Variants in APOL3 observed in about 807,000 individuals in gnomAD.
APOL3 encodes the protein TNF-inducible protein CG12-1.
APOL3 carries 14 observed loss-of-function variants against 11.6 expected under a neutral mutation model. That is an observed-to-expected ratio of 1.21 (90% CI 0.80 to 1.89). The LOEUF (loss-of-function observed/expected upper bound fraction) is 1.89, where lower values mean the gene tolerates loss of function less well. Among genes scored for constraint, APOL3 ranks in the 40% most tolerant of loss-of-function variants. The pLI, the probability that APOL3 is intolerant of heterozygous loss-of-function variation, is 0.00. For missense variants in APOL3, 483 were observed against 492.1 expected (o/e 0.98, Z 0.17); for synonymous variants, 192 against 190.6 (o/e 1.01, Z -0.06).
chr22:36,145,104 G>T (rs6000153), intron 2 of APOL3, among the ~76,000 whole-genome samples: 13,039 of 151,694 alleles, frequency 0.086, 1,838 homozygotes, highest in African/African-American at 0.3. Context: ...TAACATTAAC[G>T]GAGCACCTAC....
intron 1 of APOL3, chr22:36,155,869 C>T (rs2146870964): frequency 6.2e-6 from 1 of 160,120 alleles, no homozygotes; most frequent in Admixed American, 6.5e-5. Context: ...CATGTCCTCC[C>T]TGGGCAAGCC....
intron 1 of APOL3, among the ~76,000 whole-genome samples, chr22:36,152,054 G>T (rs566158741): frequency 6.6e-6 from 1 of 152,060 alleles, no homozygotes; most frequent in Non-Finnish European, 1.5e-5. Context: ...AGAAAAAGAC[G>T]TGAAAGAGAA....
exon 3 of APOL3, chr22:36,140,396 GC>G (rs1287794702): frequency 6.6e-6 from 1 of 152,196 alleles, no homozygotes; most frequent in Non-Finnish European, 1.5e-5. Flanking sequence ...TAGAGATCCG[GC>G]CTCCCCCAGT....
At chr22:36,160,207 T>C (rs2013561217) in intron 1 of APOL3, among the ~76,000 whole-genome samples, 1 of 151,994 alleles carries the variant, frequency 6.6e-6, no homozygotes, top group Admixed American at 6.6e-5. Context: ...TCAAAGGAAA[T>C]CCTCTGTCCC....
At chr22:36,141,389 C>T (rs1040975838) in exon 3 of APOL3, 4 of 1,614,080 alleles carry the variant, frequency 2.5e-6, no homozygotes, top group African/African-American at 2.7e-5. Flanking sequence ...TGGTCGCACT[C>T]AGGATCCGGG....
intron 1 of APOL3, 36 bp from the exon 3 acceptor site, chr22:36,145,635 G>A (rs1458569589): frequency 6.2e-7 from 1 of 1,609,698 alleles, no homozygotes; most frequent in Non-Finnish European, 8.5e-7. Context: ...TTGGAAGAAA[G>A]TGTGCTACAG....
At chr22:36,149,002 G>C in intron 1 of APOL3, 44 bp downstream of exon 2, 1 of 1,364,468 alleles carries the variant, frequency 7.3e-7, no homozygotes, top group Non-Finnish European at 9.8e-7. Context: ...TCCATTCTAG[G>C]TGCGAGTAGG....
At chr22:36,143,200 A>C (rs2060066754) in intron 2 of APOL3, among the ~76,000 whole-genome samples, 1 of 152,208 alleles carries the variant, frequency 6.6e-6, no homozygotes, top group Admixed American at 6.5e-5. Flanking sequence ...TAACTGGGTG[A>C]GCTTCTCTGG....
intron 1 of APOL3, among the ~76,000 whole-genome samples, chr22:36,156,535 C>T (rs2012880484): frequency 6.6e-6 from 1 of 152,170 alleles, no homozygotes; most frequent in African/African-American, 2.4e-5. Flanking sequence ...CCCTGCTTCC[C>T]TGCCTCCCAG....
At chr22:36,161,669 G>A (rs7288802), upstream of APOL3, 5,245 of 152,496 alleles carry the variant, frequency 0.034, 215 homozygotes, top group African/African-American at 0.1. Flanking sequence ...ACTTTTGTTA[G>A]GCTGTTGTAA....
chr22:36,148,527 G>A (rs2060300627), intron 1 of APOL3, among the ~76,000 whole-genome samples: 1 of 152,246 alleles, frequency 6.6e-6, no homozygotes, highest in South Asian at 2.1e-4. Flanking sequence ...AGGCCAGAAT[G>A]GGGCTCAGTT....
At chr22:36,152,582 G>C (rs1473076131) in intron 1 of APOL3, among the ~76,000 whole-genome samples, 1 of 152,224 alleles carries the variant, frequency 6.6e-6, no homozygotes, top group East Asian at 1.9e-4. Flanking sequence ...AAGAAATAAA[G>C]TTAAATAAAC....
At chr22:36,148,986 C>T in intron 1 of APOL3, 60 bp downstream of exon 2, 2 of 1,355,528 alleles carry the variant, frequency 1.5e-6, no homozygotes, top group Non-Finnish European at 2.0e-6. Flanking sequence ...TGTGGAAACG[C>T]CACCCTCCAT....
intron 1 of APOL3, among the ~76,000 whole-genome samples, chr22:36,153,026 G>C (rs149154873): frequency 3.9e-5 from 6 of 152,154 alleles, no homozygotes; most frequent in Admixed American, 1.3e-4. Context: ...CAGGAGAATC[G>C]CTTGAACCCA....
Position 36,141,708 on chromosome 22 carries a change from C to T in APOL3, c.701G>A (p.Gly234Glu), listed in dbSNP as rs1603474386. ...GTGCTCCACGATGCTGGTGGTGATC[C>T]CAGTCACAGCAGACGCTGCTCCCAG... Residue 234 changes from glycine (G) to glutamate (E), a missense_variant, in exon 3 of 3, where the codon GGG becomes GAG. Transcript: ENST00000349314. The T allele has an allele frequency of 6.2e-6, 10 of 1,614,048 alleles. No individual in the cohort carries two copies. The highest frequency in any genetic ancestry group is 8.5e-6 in the Non-Finnish European group (10 of 1,180,020).
rs117580278 is a variant in APOL3, at chr22:36,156,367, C to T, written c.223+4302G>A. Reference sequence around the variant, plus strand: ...CTGCATTAGCCTTCGTGCATTAGCACGGGAATTACAGCCCTGAGCCACAAT... The same window carrying T: ...CTGCATTAGCCTTCGTGCATTAGCATGGGAATTACAGCCCTGAGCCACAAT... On this transcript the variant is annotated intron_variant, in intron 1 of 2. Transcript: ENST00000349314. Among the ~76,000 whole-genome samples the T allele has an allele frequency of 1.8e-4, 27 of 152,258 alleles. No homozygotes were observed. The East Asian group carries it at 3.9e-3, about 22-fold the overall frequency.
At chr22:36,147,196 C>A (rs1195832960) in intron 1 of APOL3, among the ~76,000 whole-genome samples, 1 of 152,104 alleles carries the variant, frequency 6.6e-6, no homozygotes, top group Admixed American at 6.5e-5. Context: ...ATATTTCAAC[C>A]CTACACCATT....
intron 2 of APOL3, among the ~76,000 whole-genome samples, chr22:36,144,172 C>T (rs1454170534): frequency 1.3e-5 from 2 of 152,134 alleles, no homozygotes; most frequent in Non-Finnish European, 2.9e-5. Context: ...AAATATCCCT[C>T]TCCCACTCAC....
chr22:36,152,180 C>T (rs999979605), intron 1 of APOL3, among the ~76,000 whole-genome samples: 4 of 151,446 alleles, frequency 2.6e-5, no homozygotes, highest in Admixed American at 6.6e-5. Flanking sequence ...AAAGGGGACT[C>T]GATAGAACAT....
Sources: gnomAD v4.1 joint callset for allele counts (sites outside exome capture counted in the v4.1 genomes callset) on GRCh38, gnomAD v4.1.1 for gene constraint, MANE v1.5 for transcripts, NCBI Gene and HGNC (gene_info 2026-07-23, HGNC 2026-07-21) for gene names.